Variants in DNAAF4 observed in about 807,000 individuals in gnomAD.
DNAAF4 encodes the protein dynein assembly factor 4, axonemal.
DNAAF4 carries 43 observed loss-of-function variants against 51.8 expected under a neutral mutation model. The observed-to-expected ratio is 0.83, with a 90% CI of 0.65 to 1.07. The LOEUF is 1.07. Ranked by LOEUF, DNAAF4 falls within the 50% of genes least tolerant of loss-of-function variation. The pLI, the probability that DNAAF4 is intolerant of heterozygous loss-of-function variation, is 0.00. For synonymous variants in DNAAF4, 194 were observed against 165.6 expected (o/e 1.17, Z -1.32); for missense variants, 581 against 493.0 (o/e 1.18, Z -1.69).
intron 6 of DNAAF4, among the ~76,000 whole-genome samples, chr15:55,448,084 C>G (rs1272182574): frequency 6.6e-6 from 1 of 152,086 alleles, no homozygotes; most frequent in Non-Finnish European, 1.5e-5. Context: ...AGATACTTCC[C>G]ATCAATATCT....
intron 4 of DNAAF4, among the ~76,000 whole-genome samples, chr15:55,474,102 A>T (rs1232600181): frequency 1.3e-5 from 2 of 152,350 alleles, no homozygotes; most frequent in East Asian, 3.9e-4. Context: ...AACCTAAATG[A>T]TAAACTTTTA....
At chr15:55,485,749 C>G (rs368064648) in intron 4 of DNAAF4, among the ~76,000 whole-genome samples, 4 of 152,118 alleles carry the variant, frequency 2.6e-5, no homozygotes, top group Non-Finnish European at 5.9e-5. Flanking sequence ...AATCCCAGCA[C>G]TTTGGGAGGC....
intron 4 of DNAAF4, among the ~76,000 whole-genome samples, chr15:55,490,074 G>A (rs9672854): frequency 0.14 from 21,320 of 151,920 alleles, 2,602 homozygotes; most frequent in African/African-American, 0.33. Flanking sequence ...GGGTTTCACT[G>A]TGTTGGCCAG....
At chr15:55,436,866 G>T (rs2057620803) in intron 7 of DNAAF4, among the ~76,000 whole-genome samples, 1 of 150,526 alleles carries the variant, frequency 6.6e-6, no homozygotes, top group African/African-American at 2.4e-5. Flanking sequence ...TGTCGCCCAG[G>T]CTGGAGTGCA....
At chr15:55,433,813 A>ATATATATTATATATATTACATATAT (rs1567000171) in intron 8 of DNAAF4, among the ~76,000 whole-genome samples, 37 of 85,430 alleles carry the variant, frequency 4.3e-4, no homozygotes, top group African/African-American at 1.6e-3. Context: ...TATATATATA[A>ATATATATTATATATATTACATATAT]TATATATTAT....
At chr15:55,428,484 CTTTTTTTTTTTT>C (rs747325376), downstream of DNAAF4, among the ~76,000 whole-genome samples, 8 of 85,010 alleles carry the variant, frequency 9.4e-5, no homozygotes, top group Admixed American at 1.5e-4. Flanking sequence ...TCTTTTTTTT[CTTTTTTTTTTTT>C]TTTTTTTTTT....
At chr15:55,494,266 T>C (rs1021639399) in intron 3 of DNAAF4, among the ~76,000 whole-genome samples, 4 of 152,082 alleles carry the variant, frequency 2.6e-5, no homozygotes, top group South Asian at 2.1e-4. Flanking sequence ...CAACCTCAGA[T>C]GATCAGCCCG....
In DNAAF4 at chr15:55,446,788, A is replaced by G. The variant is rs1350859703; in HGVS notation, c.783+3434T>C. Among the ~76,000 whole-genome samples, 53 of 138,676 alleles carry G rather than the reference A, an allele frequency of 3.8e-4. 1 individual carries two copies. The Admixed American group carries it at 3.9e-3, about 10-fold the overall frequency. 91.0% of individuals were successfully genotyped at this position (138,676 alleles called of 152,430 possible). A position where few individuals can be genotyped will look rare whatever the true frequency, so the allele number is the denominator to read the frequency against. On this transcript the variant is annotated intron_variant, in intron 6 of 9. Coordinates refer to ENST00000321149, the MANE Select transcript of DNAAF4 (RefSeq NM_130810.4). ...TGGTGGCCAGGCAGAGGCGCTCCTCACATCCCAGATGGGGCGGCCGGGCAG... is the reference window on the plus strand; with the variant it reads ...TGGTGGCCAGGCAGAGGCGCTCCTCGCATCCCAGATGGGGCGGCCGGGCAG...
At chr15:55,467,449 G>A (rs1159849596) in intron 4 of DNAAF4, among the ~76,000 whole-genome samples, 1 of 152,052 alleles carries the variant, frequency 6.6e-6, no homozygotes, top group Non-Finnish European at 1.5e-5. Context: ...TATGTAAAAT[G>A]TGGGCAGGCA....
chr15:55,489,052 G>C (rs889726754), intron 4 of DNAAF4, among the ~76,000 whole-genome samples: 1 of 151,186 alleles, frequency 6.6e-6, no homozygotes, highest in African/African-American at 2.4e-5. Context: ...TTGCGCCGCT[G>C]CACTCCAGCC....
intron 6 of DNAAF4, among the ~76,000 whole-genome samples, chr15:55,449,480 T>C (rs181211928): frequency 8.7e-4 from 129 of 148,720 alleles, no homozygotes; most frequent in Non-Finnish European, 1.7e-3. Context: ...CTGACCAACA[T>C]GGTGAAACCC....
At chr15:55,419,929 G>C (rs1300765193) in intron 7 of DNAAF4, among the ~76,000 whole-genome samples, 1 of 152,124 alleles carries the variant, frequency 6.6e-6, no homozygotes, top group Non-Finnish European at 1.5e-5. Context: ...CTTGAACCTG[G>C]GAGGTGGAGG....
At position 55,495,709 on chromosome 15, in the gene DNAAF4, G is replaced by A. The variant is rs142605558; in HGVS notation, c.271+2003C>T. ...ATGGTAACACCAACCGCACTCCAGC[G>A]TTGGTGATAGGGTGAGATTCTATCT... is the stretch of plus-strand genomic sequence containing the variant. On this transcript the variant is annotated intron_variant, in intron 3 of 9. Coordinates refer to ENST00000321149, the MANE Select transcript of DNAAF4 (RefSeq NM_130810.4). Among the ~76,000 whole-genome samples, 13 of 152,122 alleles carry A rather than the reference G, an allele frequency of 8.5e-5. No homozygotes were observed. The East Asian group carries it at 9.7e-4, about 11-fold the overall frequency.
At chr15:55,471,759 C>T (rs898178625) in intron 4 of DNAAF4, among the ~76,000 whole-genome samples, 1 of 152,066 alleles carries the variant, frequency 6.6e-6, no homozygotes, top group African/African-American at 2.4e-5. Context: ...GTGATCTGCC[C>T]GCCTCGGCCT....
intron 6 of DNAAF4, among the ~76,000 whole-genome samples, chr15:55,444,641 C>T (rs987776656): frequency 3.6e-4 from 55 of 152,192 alleles, no homozygotes; most frequent in African/African-American, 1.0e-3. Flanking sequence ...TTGGGCAGCA[C>T]GGCCATTTTT....
chr15:55,464,088 T>C (rs569427486), intron 5 of DNAAF4, among the ~76,000 whole-genome samples: 6 of 152,186 alleles, frequency 3.9e-5, no homozygotes, highest in Admixed American at 6.5e-5. Context: ...CAAAACAGTA[T>C]AGTACTGGTA....
intron 6 of DNAAF4, among the ~76,000 whole-genome samples, chr15:55,447,948 T>C (rs2057865089): frequency 2.0e-5 from 3 of 152,144 alleles, no homozygotes; most frequent in East Asian, 3.9e-4. Context: ...CTATGCTGTG[T>C]TGAATAGGAG....
intron 5 of DNAAF4, among the ~76,000 whole-genome samples, chr15:55,463,064 C>T (rs1286253376): frequency 6.6e-6 from 1 of 151,984 alleles, no homozygotes; most frequent in African/African-American, 2.4e-5. Context: ...ATCCCAGATA[C>T]TGGGGAGGTT....
intron 1 of DNAAF4, among the ~76,000 whole-genome samples, chr15:55,507,106 C>A (rs1383523114): frequency 2.6e-5 from 4 of 152,152 alleles, no homozygotes; most frequent in Non-Finnish European, 4.4e-5. Flanking sequence ...TCACTTCCAT[C>A]TCCCAAAGTG....
Sources: allele counts gnomAD v4.1 joint callset (sites outside exome capture counted in the v4.1 genomes callset), GRCh38; gene constraint gnomAD v4.1.1; transcripts MANE v1.5; gene names NCBI Gene and HGNC (gene_info 2026-07-23, HGNC 2026-07-21).